VWC2L: variants seen among roughly 807,000 people sequenced by gnomAD.
VWC2L encodes von Willebrand factor C domain containing 2 like.
In VWC2L, 10 loss-of-function variants were observed where a neutral mutation model predicts 21.6. The ratio of observed to expected loss-of-function variants is 0.46; its 90% CI spans 0.29 to 0.78. VWC2L has a LOEUF of 0.78. VWC2L is among the 30% of genes least tolerant of loss of function. VWC2L has a pLI of 0.10. For missense variants in VWC2L, 209 were observed against 277.1 expected (o/e 0.75, Z 1.74); for synonymous variants, 96 against 94.3 (o/e 1.02, Z -0.10).
chr2:214,412,853 C>A (rs1472743153), intron 1 of VWC2L, among the ~76,000 whole-genome samples: 1 of 151,992 alleles, frequency 6.6e-6, no homozygotes, highest in African/African-American at 2.4e-5. Context: ...TTATAACTGA[C>A]CTGAAAATGT....
intron 3 of VWC2L, among the ~76,000 whole-genome samples, chr2:214,495,254 G>A (rs1688796030): frequency 6.6e-6 from 1 of 152,058 alleles, no homozygotes; most frequent in South Asian, 2.1e-4. Context: ...ATCCTTTGCT[G>A]ATCCTTCGTT....
intron 3 of VWC2L, among the ~76,000 whole-genome samples, chr2:214,454,572 T>C (rs1703025296): frequency 6.7e-6 from 1 of 149,994 alleles, no homozygotes; most frequent in South Asian, 2.1e-4. Context: ...AGTTTACTAG[T>C]ATACTGAATT....
rs112368527 is a variant in VWC2L, at chr2:214,545,637, C to T, written c.521-30035C>T. 3.6e-3 allele frequency among the ~76,000 whole-genome samples: 545 copies of T among 152,162 alleles called. 2 individuals are homozygous for T. The highest frequency in any genetic ancestry group is 0.01 in the Middle Eastern group (3 of 294). On this transcript the variant is annotated intron_variant, in intron 3 of 3. Transcript: ENST00000312504. ...CTAAGGAAAAGCATTGCTATCTCTT[C>T]TGAAAAAAATTTATCTCTGTGGCCA...
chr2:214,530,800 G>A (rs1260639942), intron 3 of VWC2L, among the ~76,000 whole-genome samples: 1 of 152,128 alleles, frequency 6.6e-6, no homozygotes, highest in African/African-American at 2.4e-5. Context: ...CCACTCATAA[G>A]CAAAGCTCAT....
chr2:214,522,350 G>A (rs1227017064), intron 3 of VWC2L, among the ~76,000 whole-genome samples: 1 of 148,844 alleles, frequency 6.7e-6, no homozygotes, highest in Non-Finnish European at 1.5e-5. Context: ...ACTCCAGGCT[G>A]GGGGACAGAG....
intron 3 of VWC2L, among the ~76,000 whole-genome samples, chr2:214,523,515 A>C (rs1451154656): frequency 6.6e-6 from 1 of 152,230 alleles, no homozygotes; most frequent in East Asian, 1.9e-4. Context: ...ATTACTTGTG[A>C]TGATACTGAG....
intron 1 of VWC2L, among the ~76,000 whole-genome samples, chr2:214,413,779 G>C (rs1702312828): frequency 6.6e-6 from 1 of 152,030 alleles, no homozygotes; most frequent in Non-Finnish European, 1.5e-5. Flanking sequence ...AAATATTCTT[G>C]AGCTATTTGT....
chr2:214,532,386 G>GA (rs35509246), intron 3 of VWC2L, among the ~76,000 whole-genome samples: 83,539 of 151,582 alleles, frequency 0.55, 23,355 homozygotes, highest in East Asian at 0.74. Flanking sequence ...ATGTACTATG[G>GA]AAAAAAAAGT....
chr2:214,536,084 T>C (rs945918113), intron 3 of VWC2L, among the ~76,000 whole-genome samples: 2 of 152,154 alleles, frequency 1.3e-5, no homozygotes, highest in Non-Finnish European at 2.9e-5. Flanking sequence ...TGTGAGGACC[T>C]GTTTTTGCTC....
chr2:214,456,878 GC>G (rs1443017481), intron 3 of VWC2L, among the ~76,000 whole-genome samples: 2 of 151,984 alleles, frequency 1.3e-5, no homozygotes, highest in Non-Finnish European at 2.9e-5. Context: ...ATATCAATTG[GC>G]TGTAAATATA....
At chr2:214,506,066 C>T (rs1482000817) in intron 3 of VWC2L, among the ~76,000 whole-genome samples, 2 of 152,142 alleles carry the variant, frequency 1.3e-5, no homozygotes, top group Non-Finnish European at 2.9e-5. Context: ...CTATCAACAA[C>T]AACAAGGTCT....
chr2:214,538,621 T>C (rs1346866634), intron 3 of VWC2L, among the ~76,000 whole-genome samples: 1 of 149,402 alleles, frequency 6.7e-6, no homozygotes, highest in Non-Finnish European at 1.5e-5. Context: ...GTATACATGT[T>C]TAGTATATAT....
At chr2:214,506,378 C>T (rs1235193463) in intron 3 of VWC2L, among the ~76,000 whole-genome samples, 1 of 152,076 alleles carries the variant, frequency 6.6e-6, no homozygotes, top group East Asian at 1.9e-4. Flanking sequence ...TAAAATAGCT[C>T]GAAGAAATAC....
intron 3 of VWC2L, among the ~76,000 whole-genome samples, chr2:214,513,203 AAG>A (rs781035376): frequency 9.2e-5 from 14 of 152,122 alleles, no homozygotes; most frequent in Non-Finnish European, 1.6e-4. Context: ...TGTCGGGTCA[AAG>A]AGACCCAGGA....
intron 3 of VWC2L, among the ~76,000 whole-genome samples, chr2:214,573,053 C>T (rs530202024): frequency 4.9e-4 from 74 of 152,138 alleles, no homozygotes; most frequent in African/African-American, 7.0e-4. Context: ...GACCGTAGTA[C>T]GATACCAGCA....
intron 3 of VWC2L, among the ~76,000 whole-genome samples, chr2:214,438,253 A>G (rs1200257845): frequency 1.3e-5 from 2 of 152,066 alleles, no homozygotes; most frequent in Non-Finnish European, 2.9e-5. Flanking sequence ...AAACTGTCAT[A>G]AAATATATGA....
chr2:214,451,356 C>T (rs1172857503), intron 3 of VWC2L, among the ~76,000 whole-genome samples: 1 of 149,634 alleles, frequency 6.7e-6, no homozygotes, highest in African/African-American at 2.5e-5. Flanking sequence ...CCAATGACTA[C>T]CTGTGAGAAT....
At chr2:214,535,112 C>T (rs1470358361) in intron 3 of VWC2L, among the ~76,000 whole-genome samples, 1 of 152,030 alleles carries the variant, frequency 6.6e-6, no homozygotes, top group Non-Finnish European at 1.5e-5. Flanking sequence ...TTGCTTCCTC[C>T]AAGCTGGAAA....
At chr2:214,537,355 A>G (rs531212546) in intron 3 of VWC2L, among the ~76,000 whole-genome samples, 82 of 152,062 alleles carry the variant, frequency 5.4e-4, no homozygotes, top group Non-Finnish European at 1.1e-3. Flanking sequence ...GTGAATAATT[A>G]TGTCACATGT....
Sources: allele counts gnomAD v4.1 joint callset (sites outside exome capture counted in the v4.1 genomes callset), GRCh38; gene constraint gnomAD v4.1.1; transcripts MANE v1.5; gene names NCBI Gene and HGNC (gene_info 2026-07-23, HGNC 2026-07-21).